The following SBNO2 variants were observed in gnomAD, a reference collection of about 807,000 sequenced individuals.
SBNO2 encodes the protein strawberry notch homolog 2, also known as protein strawberry notch homolog 2.
A neutral mutation model predicts 146.3 loss-of-function variants in SBNO2; 89 were observed. That is an observed-to-expected ratio of 0.61 (90% confidence interval 0.51 to 0.73). The LOEUF (loss-of-function observed/expected upper bound fraction) is 0.73. Among genes scored for constraint, SBNO2 ranks in the 30% least tolerant of loss-of-function variants. SBNO2 has a pLI of 0.00. For synonymous variants in SBNO2, 1,147 were observed against 892.6 expected, an observed-to-expected ratio of 1.29 and a Z score of -5.08; for missense variants, 2,092 against 2,003.7, an observed-to-expected ratio of 1.04 and a Z score of -0.84.
chr19:1,124,845 C>T (rs931414662), intron 5 of SBNO2, among the ~76,000 whole-genome samples: 5 of 152,022 alleles, frequency 3.3e-5, no homozygotes, highest in Non-Finnish European at 5.9e-5. Flanking sequence ...CAGGGGTCTC[C>T]GAACTGACTG....
chr19:1,132,155 CA>C (rs1156819518), intron 4 of SBNO2: 1 of 1,469,300 alleles, frequency 6.8e-7, no homozygotes. Flanking sequence ...CTCGGGGGGC[CA>C]GGGGTCCCCC....
chr19:1,111,370 G>T, intron 24 of SBNO2, 136 bp downstream of exon 24: 1 of 741,824 alleles, frequency 1.3e-6, no homozygotes, highest in Non-Finnish European at 2.2e-6. Context: ...TGCCTTCACA[G>T]CCCTCTCTGT....
intron 14 of SBNO2, among the ~76,000 whole-genome samples, chr19:1,118,166 C>G (rs1041510046): frequency 6.6e-5 from 10 of 151,940 alleles, no homozygotes; most frequent in African/African-American, 2.4e-4. Flanking sequence ...ATGGAGAAAT[C>G]CTGTCTCTAC....
chr19:1,164,848 G>A (rs113883689), intron 1 of SBNO2, among the ~76,000 whole-genome samples: 9 of 37,884 alleles, frequency 2.4e-4, no homozygotes, highest in East Asian at 1.0e-3. Flanking sequence ...AGGAGGAGGA[G>A]GAACAGGAGG....
intron 1 of SBNO2, among the ~76,000 whole-genome samples, chr19:1,155,432 C>A (rs1212924003): frequency 7.2e-5 from 11 of 152,186 alleles, no homozygotes; most frequent in Non-Finnish European, 1.5e-5. Context: ...GCGGCCTCTG[C>A]CTGCTCCCTG....
At chr19:1,154,777 G>C (rs2080274109) in intron 1 of SBNO2, among the ~76,000 whole-genome samples, 1 of 152,178 alleles carries the variant, frequency 6.6e-6, no homozygotes, top group African/African-American at 2.4e-5. Flanking sequence ...TGAGACTGTG[G>C]AGGGAGAGTC....
Position 1,140,287 on chromosome 19 carries a change from G to A in SBNO2, c.279+7022C>T, listed in dbSNP as rs1394726896. Among the ~76,000 whole-genome samples, 4 of 150,630 alleles carry A rather than the reference G, an allele frequency of 2.7e-5. No homozygotes were observed. The East Asian group carries it at 5.8e-4, about 22-fold the overall frequency. ...TGCACTCCAGCCTGGGCGACAGAGC[G>A]AGATTTCATCTCAAAAAAAAAAAAA... On this transcript the variant is annotated intron_variant, in intron 4 of 31. Coordinates refer to ENST00000361757, the MANE Select transcript of SBNO2 (RefSeq NM_014963.3). This position sits in a 1 kb window ranked among gnomAD's most constrained non-coding sequence, Gnocchi z 4.4.
intron 1 of SBNO2, among the ~76,000 whole-genome samples, chr19:1,155,841 T>C (rs1385498245): frequency 6.6e-6 from 1 of 152,142 alleles, no homozygotes; most frequent in Non-Finnish European, 1.5e-5. Context: ...GCCCACCCCC[T>C]GCCTTGGGGC....
At position 1,108,194 on chromosome 19, in the gene SBNO2, T is replaced by C. The variant is rs538999592; in HGVS notation, c.*26A>G. On this transcript the variant is annotated 3_prime_UTR_variant, in exon 32 of 32. Transcript: ENST00000361757. The stretch of plus-strand genomic sequence containing the variant: ...TAGGGGAGAAACGGTCCCTGTGTCT[T>C]GGGGCATGTTTCGCCTAAAGGCGTG... 2.6e-6 allele frequency: 4 copies of C among 1,519,124 alleles called. No homozygotes were observed. The African/African-American group carries it at 4.3e-5, about 16-fold the overall frequency. The allele number at this position is 1,519,124 out of a possible 1,614,324, so 94.1% of individuals were successfully genotyped here.
intron 3 of SBNO2, among the ~76,000 whole-genome samples, chr19:1,148,157 A>G (rs1396762646): frequency 6.6e-6 from 1 of 151,924 alleles, no homozygotes; most frequent in African/African-American, 2.4e-5. Context: ...CAGCAGGTCC[A>G]GGTCTCTGCC....
intron 4 of SBNO2, among the ~76,000 whole-genome samples, chr19:1,135,663 C>T (rs760317515): frequency 2.6e-5 from 4 of 152,230 alleles, no homozygotes; most frequent in Non-Finnish European, 2.9e-5. Flanking sequence ...CCCGCAGCAA[C>T]GCTGACCGAG....
intron 4 of SBNO2, among the ~76,000 whole-genome samples, chr19:1,129,985 C>A (rs774053022): frequency 3.5e-4 from 53 of 152,178 alleles, no homozygotes; most frequent in Non-Finnish European, 6.8e-4. Context: ...AAAACTCCTG[C>A]CCCAGTCTGA....
chr19:1,112,334 G>A lies in SBNO2; in HGVS notation c.2516-33C>T, dbSNP rs1292739817. Reference sequence around the variant, plus strand: ...CAGAGCTGCTCTCAGGGCCCGGCCAGGCGGGGGCGGGGCCGAGACCATGTT... The same window carrying A: ...CAGAGCTGCTCTCAGGGCCCGGCCAAGCGGGGGCGGGGCCGAGACCATGTT... On this transcript the variant is annotated intron_variant, in intron 21 of 31. Transcript: ENST00000361757. This position sits in a 1 kb window ranked among gnomAD's most constrained non-coding sequence, Gnocchi z 5.9. The A allele has an allele frequency of 1.9e-6, 3 of 1,565,740 alleles. No homozygotes were observed. Among genetic ancestry groups the A allele is most frequent in the African/African-American group, 1.3e-5 (1 of 74,098 alleles).
chr19:1,173,987 A>C lies in SBNO2; in HGVS notation c.-127+185T>G, dbSNP rs1599896811. On this transcript the variant is annotated intron_variant, in intron 1 of 31. Coordinates refer to ENST00000361757, the MANE Select transcript of SBNO2 (RefSeq NM_014963.3). This position sits in a 1 kb window ranked among gnomAD's most constrained non-coding sequence, Gnocchi z 4.7. ...AGCGCGGGGTCAACGTTGGCGGCGA[A>C]GGGCGGGGTCGGAAGGGGTCGCGGC... 8.5e-6 allele frequency among the ~76,000 whole-genome samples: 1 copy of C among 117,776 alleles called. No individual in the cohort carries two copies. The highest frequency in any genetic ancestry group is 3.3e-5 in the African/African-American group (1 of 30,598). The allele number at this position is 117,776 out of a possible 152,430, so 77.3% of individuals were successfully genotyped here.
chr19:1,130,536 G>A (rs1216071496), intron 4 of SBNO2, among the ~76,000 whole-genome samples: 9 of 151,566 alleles, frequency 5.9e-5, no homozygotes, highest in Non-Finnish European at 1.3e-4. Flanking sequence ...GCTCATGCCT[G>A]TAATCCTACT....
At chr19:1,147,286 C>T (rs528543378) in intron 4 of SBNO2, 23 bp downstream of exon 4, 320 of 1,511,878 alleles carry the variant, frequency 2.1e-4, no homozygotes, top group Middle Eastern at 1.4e-3. Context: ...CCCCACGGCG[C>T]GGTGAGCTCC....
chr19:1,111,185 G>T, intron 24 of SBNO2, 92 bp from the exon 25 acceptor site: 1 of 1,383,226 alleles, frequency 7.2e-7, no homozygotes, highest in Non-Finnish European at 9.7e-7. Context: ...GCAGCTCCCT[G>T]GGGGGCTGGG....
chr19:1,108,165 C>T lies in SBNO2; in HGVS notation c.*55G>A. The T allele has an allele frequency of 9.5e-6, 14 of 1,476,180 alleles. No individual in the cohort carries two copies. Among genetic ancestry groups the T allele is most frequent in the Non-Finnish European group, 1.2e-5 (13 of 1,105,840 alleles). 91.4% of individuals were successfully genotyped at this position (1,476,180 alleles called of 1,614,324 possible). A position where few individuals can be genotyped will look rare whatever the true frequency, so the allele number is the denominator to read the frequency against. On this transcript the variant is annotated 3_prime_UTR_variant, in exon 32 of 32. Transcript: ENST00000361757. Reference sequence around the variant, plus strand: ...ACCTTGGCCCTGCTCCCCACCGCTGCTCCTAGGGGAGAAACGGTCCCTGTG... The same window carrying T: ...ACCTTGGCCCTGCTCCCCACCGCTGTTCCTAGGGGAGAAACGGTCCCTGTG...
chr19:1,127,097 C>T (rs2145239031), intron 5 of SBNO2, among the ~76,000 whole-genome samples: 1 of 152,354 alleles, frequency 6.6e-6, no homozygotes, highest in East Asian at 1.9e-4. Flanking sequence ...GGGACACGGC[C>T]ACTGCTGACC....
Sources: gnomAD v4.1 joint callset for allele counts (sites outside exome capture counted in the v4.1 genomes callset) on GRCh38, gnomAD v4.1.1 for gene constraint, Gnocchi (gnomAD v3.1) non-coding constraint, MANE v1.5 for transcripts, NCBI Gene and HGNC (gene_info 2026-07-23, HGNC 2026-07-21) for gene names.